NFE2L2: variants seen among roughly 807,000 people sequenced by gnomAD.
NFE2L2 encodes the protein nuclear factor erythroid 2-related factor 2.
NFE2L2 carries 20 observed loss-of-function variants against 49.6 expected under a neutral mutation model. That is an observed-to-expected ratio of 0.40 (90% CI 0.28 to 0.59). NFE2L2 has a LOEUF of 0.59. Among genes scored for constraint, NFE2L2 ranks in the 20% least tolerant of loss-of-function variants. The probability of loss-of-function intolerance (pLI) is 0.40; values close to 1 mark genes in which losing one functional copy is unlikely to be tolerated. For missense variants in NFE2L2, 578 were observed against 714.2 expected (o/e 0.81, Z 2.17); for synonymous variants, 244 against 256.5 (o/e 0.95, Z 0.47).
chr2:177,257,568 G>A (rs1454330756), intron 1 of NFE2L2, among the ~76,000 whole-genome samples: 1 of 152,172 alleles, frequency 6.6e-6, no homozygotes, highest in Non-Finnish European at 1.5e-5. Flanking sequence ...ATTTAAATAA[G>A]ACATCCTAAC....
intron 1 of NFE2L2, among the ~76,000 whole-genome samples, chr2:177,261,265 G>A (rs77992884): frequency 0.025 from 3,760 of 151,796 alleles, 158 homozygotes; most frequent in African/African-American, 0.087. Flanking sequence ...ACCACAGTGG[G>A]TACCATTGAT....
intron 1 of NFE2L2, among the ~76,000 whole-genome samples, chr2:177,247,617 C>T (rs1690178238): frequency 6.6e-6 from 1 of 150,944 alleles, no homozygotes; most frequent in Non-Finnish European, 1.5e-5. Flanking sequence ...CCCAAGATCG[C>T]TCCAAGCCGA....
intron 1 of NFE2L2, chr2:177,263,617 T>C (rs1339359229): frequency 2.0e-6 from 2 of 985,246 alleles, no homozygotes; most frequent in Non-Finnish European, 2.4e-6. Flanking sequence ...AACCGAGCGC[T>C]GTCACGGAAG....
At chr2:177,245,037 C>T (rs1690076115) in intron 1 of NFE2L2, among the ~76,000 whole-genome samples, 1 of 148,388 alleles carries the variant, frequency 6.7e-6, no homozygotes, top group African/African-American at 2.5e-5. Context: ...GTAAATACAT[C>T]TCCATTCTCT....
At chr2:177,250,628 G>A (rs189513762) in intron 1 of NFE2L2, among the ~76,000 whole-genome samples, 1 of 152,326 alleles carries the variant, frequency 6.6e-6, no homozygotes, top group Non-Finnish European at 1.5e-5. Context: ...AAACAGAGAG[G>A]TTAAGTACTT....
chr2:177,247,684 C>CAAAAAAAAA (rs57701650), intron 1 of NFE2L2, among the ~76,000 whole-genome samples: 2 of 56,336 alleles, frequency 3.6e-5, no homozygotes, highest in Admixed American at 2.0e-4. Context: ...CCCCACCCCG[C>CAAAAAAAAA]AAAAAAAAAA....
chr2:177,258,656 T>C lies in NFE2L2; in HGVS notation c.45+5876A>G, dbSNP rs115730108. Among the ~76,000 whole-genome samples the C allele has an allele frequency of 5.2e-3, 795 of 151,846 alleles. 10 individuals are homozygous for C. Among genetic ancestry groups the C allele is most frequent in the African/African-American group, 0.018 (727 of 41,424 alleles). On this transcript the variant is annotated intron_variant, in intron 1 of 4. Transcript: ENST00000397062. The stretch of plus-strand genomic sequence containing the variant: ...ATATATCTATAAATTCTATCTACTA[T>C]AGAGGAAAAAAAAACAGATACATAA...
chr2:177,252,415 A>G (rs963403714), intron 1 of NFE2L2, among the ~76,000 whole-genome samples: 2 of 152,200 alleles, frequency 1.3e-5, no homozygotes, highest in African/African-American at 4.8e-5. Flanking sequence ...AGCTCATAGG[A>G]GAGAAAAGAG....
intron 1 of NFE2L2, among the ~76,000 whole-genome samples, chr2:177,243,798 C>T (rs1023423054): frequency 2.6e-5 from 4 of 152,074 alleles, no homozygotes; most frequent in Non-Finnish European, 4.4e-5. Flanking sequence ...AACCACTGTG[C>T]CTGGTCAATT....
Position 177,264,647 on chromosome 2 carries a change from A to G in NFE2L2, c.-71T>C, listed in dbSNP as rs1690871404. ...TTCCGGCTGCCGAGGCGCGGCGCGG[A>G]CAGGGCGGCTCTGGTGGCGGCGGCG... On this transcript the variant is annotated 5_prime_UTR_variant, in exon 1 of 5. Coordinates refer to ENST00000397062, the MANE Select transcript of NFE2L2 (RefSeq NM_006164.5). 11 of 1,363,978 alleles carry G rather than the reference A, an allele frequency of 8.1e-6. No individual in the cohort carries two copies. Among genetic ancestry groups the G allele is most frequent in the Non-Finnish European group, 1.1e-5 (11 of 1,044,162 alleles). The allele number at this position is 1,363,978 out of a possible 1,614,324, so 84.5% of individuals were successfully genotyped here. A position where few individuals can be genotyped will look rare whatever the true frequency, so the allele number is the denominator to read the frequency against.
rs368859683 is a variant in NFE2L2, at chr2:177,231,454, A to G, written c.1149T>C (p.Ser383=). The G allele has an allele frequency of 1.9e-6, 3 of 1,614,234 alleles. No homozygotes were observed. Among genetic ancestry groups the G allele is most frequent in the African/African-American group, 2.7e-5 (2 of 75,068 alleles). Residue 383 remains serine, a synonymous_variant, in exon 5 of 5, where the codon AGT becomes AGC. Coordinates refer to ENST00000397062, the MANE Select transcript of NFE2L2 (RefSeq NM_006164.5). The stretch of plus-strand genomic sequence containing the variant: ...CATTCTGTTTGACACTTCCAGGGGC[A>G]CTATCTAGCTCTTCCACTTCAGAAT... The part of the protein sequence containing the change: ...LSDSEVEELD[S]APGSVKQNGP...
intron 3 of NFE2L2, chr2:177,232,825 A>G: frequency 5.8e-6 from 3 of 519,394 alleles, no homozygotes; most frequent in Non-Finnish European, 1.0e-5. Context: ...GCGTAAGTAC[A>G]ATCTTTAGGA....
intron 1 of NFE2L2, among the ~76,000 whole-genome samples, chr2:177,248,040 C>T (rs1054752834): frequency 1.3e-5 from 2 of 152,182 alleles, no homozygotes; most frequent in Non-Finnish European, 1.5e-5. Context: ...GTTTACTGGC[C>T]ACTAAACTAC....
chr2:177,232,692 C>T, intron 3 of NFE2L2, 109 bp from the exon 4 acceptor site: 1 of 1,061,706 alleles, frequency 9.4e-7, no homozygotes, highest in Non-Finnish European at 1.4e-6. Flanking sequence ...CTGTGTCTCT[C>T]TACTTACTAA....
chr2:177,251,640 G>C (rs1407500356), intron 1 of NFE2L2, among the ~76,000 whole-genome samples: 1 of 152,068 alleles, frequency 6.6e-6, no homozygotes, highest in Non-Finnish European at 1.5e-5. Flanking sequence ...CTCACACAAG[G>C]ACAAGAAGAC....
chr2:177,257,389 C>T (rs1236584468), intron 1 of NFE2L2, among the ~76,000 whole-genome samples: 1 of 152,164 alleles, frequency 6.6e-6, no homozygotes, highest in Non-Finnish European at 1.5e-5. Flanking sequence ...GAAGCCCTTT[C>T]ATAACAAAGT....
intron 1 of NFE2L2, among the ~76,000 whole-genome samples, chr2:177,244,093 G>A (rs1337267263): frequency 6.6e-6 from 1 of 151,660 alleles, no homozygotes. Flanking sequence ...AGGATCAGGA[G>A]ATTGAGACCA....
chr2:177,245,256 G>C (rs1346554832), intron 1 of NFE2L2, among the ~76,000 whole-genome samples: 1 of 152,058 alleles, frequency 6.6e-6, no homozygotes, highest in African/African-American at 2.4e-5. Context: ...GCTACAACTG[G>C]AAGGGACCAC....
chr2:177,256,004 A>G (rs1690505967), intron 1 of NFE2L2: 1 of 154,740 alleles, frequency 6.5e-6, no homozygotes, highest in Non-Finnish European at 1.5e-5. Flanking sequence ...TTTACTTGCC[A>G]GAGGAAGTCA....
Sources: allele counts gnomAD v4.1 joint callset (sites outside exome capture counted in the v4.1 genomes callset), GRCh38; gene constraint gnomAD v4.1.1; transcripts MANE v1.5; gene names NCBI Gene and HGNC (gene_info 2026-07-23, HGNC 2026-07-21).